HIVEP1: variants seen among roughly 807,000 people sequenced by gnomAD.
HIVEP1 encodes HIVEP zinc finger 1, also known as zinc finger protein 40.
A neutral mutation model predicts 180.0 loss-of-function variants in HIVEP1; 36 were observed. The observed-to-expected ratio is 0.20, with a 90% confidence interval of 0.15 to 0.26. The LOEUF (loss-of-function observed/expected upper bound fraction) is 0.26, where lower values mean the gene tolerates loss of function less well. HIVEP1 is among the 10% of genes least tolerant of loss of function. The pLI is 1.00. For synonymous variants in HIVEP1, 1,239 were observed against 1,239.0 expected, an observed-to-expected ratio of 1.00 and a Z score of 0.00; for missense variants, 3,143 against 3,268.7, an observed-to-expected ratio of 0.96 and a Z score of 0.94.
At chr6:12,155,561 C>T (rs1759987585) in intron 7 of HIVEP1, among the ~76,000 whole-genome samples, 2 of 152,130 alleles carry the variant, frequency 1.3e-5, no homozygotes, top group Admixed American at 1.3e-4. Flanking sequence ...CTTCCAAATC[C>T]ATCTATGTCC....
chr6:12,098,473 A>G (rs1211330757), intron 3 of HIVEP1, among the ~76,000 whole-genome samples: 1 of 152,322 alleles, frequency 6.6e-6, no homozygotes, highest in African/African-American at 2.4e-5. Flanking sequence ...TTCTATATAA[A>G]TAATGCCACA....
chr6:12,122,124 C>A lies in HIVEP1; in HGVS notation c.2329C>A (p.Arg777=), dbSNP rs975872926. The change falls in exon 4 of 9, where the codon CGA becomes AGA. Residue 777 remains arginine (R), a synonymous_variant. Transcript: ENST00000379388. The stretch of plus-strand genomic sequence containing the variant: ...GCCGCGGAGAACCTCACTGTCAAGA[C>A]GAGGAAGCATTGATTCCCCCAAATC... ...VKPRRTSLSR[R]GSIDSPKSYI... 2.5e-6 allele frequency: 4 copies of A among 1,614,066 alleles called. No individual in the cohort carries two copies. The highest frequency in any genetic ancestry group is 3.4e-6 in the Non-Finnish European group (4 of 1,180,028).
intron 3 of HIVEP1, among the ~76,000 whole-genome samples, chr6:12,097,195 T>G (rs1773831356): frequency 6.6e-6 from 1 of 152,058 alleles, no homozygotes; most frequent in South Asian, 2.1e-4. Flanking sequence ...TTAATAGAGG[T>G]TTATTTTAAA....
chr6:12,014,768 A>G (rs1279512401), intron 1 of HIVEP1, among the ~76,000 whole-genome samples: 1 of 152,254 alleles, frequency 6.6e-6, no homozygotes, highest in Non-Finnish European at 1.5e-5. Context: ...AAAATCTGTA[A>G]GTCAGGACAG....
At chr6:12,170,630 A>G in the HIVEP1 span, among the ~76,000 whole-genome samples, 1 of 152,212 alleles carries the variant, frequency 6.6e-6, no homozygotes, top group Non-Finnish European at 1.5e-5. Context: ...GACCAAGGGA[A>G]TAAACCACAT....
intron 2 of HIVEP1, among the ~76,000 whole-genome samples, chr6:12,069,652 G>C (rs957320798): frequency 6.6e-6 from 1 of 151,572 alleles, no homozygotes; most frequent in African/African-American, 2.4e-5. Flanking sequence ...CAGCGCACCA[G>C]CATGGCAAAT....
chr6:12,207,942 A>G, the HIVEP1 span, among the ~76,000 whole-genome samples: 6 of 150,798 alleles, frequency 4.0e-5, no homozygotes, highest in Non-Finnish European at 8.9e-5. Flanking sequence ...TGGATCATGG[A>G]TGTGGAAGAA....
At chr6:12,107,534 A>G (rs1420969710) in intron 3 of HIVEP1, among the ~76,000 whole-genome samples, 5 of 152,030 alleles carry the variant, frequency 3.3e-5, no homozygotes, top group Admixed American at 2.0e-4. Flanking sequence ...CCTCACGGTG[A>G]GTGTTACAGT....
At chr6:12,207,993 C>G in the HIVEP1 span, among the ~76,000 whole-genome samples, 1 of 151,646 alleles carries the variant, frequency 6.6e-6, no homozygotes, top group South Asian at 2.1e-4. Context: ...CTCACTATAC[C>G]AGTTTCAGAA....
upstream of HIVEP1, chr6:12,012,150 C>CGGCTCCCT (rs1300421941): frequency 2.8e-5 from 4 of 144,916 alleles, no homozygotes; most frequent in Non-Finnish European, 6.2e-5. Context: ...CCCGGCTGCC[C>CGGCTCCCT]GGCTCCCTGG....
At chr6:12,203,083 A>G in the HIVEP1 span, among the ~76,000 whole-genome samples, 27 of 152,306 alleles carry the variant, frequency 1.8e-4, no homozygotes, top group South Asian at 5.6e-3. Flanking sequence ...TCATTTCTGC[A>G]TTTTGTGGTT....
chr6:12,145,515 T>TAAAAAAA (rs202193525), intron 7 of HIVEP1, among the ~76,000 whole-genome samples: 1 of 103,744 alleles, frequency 9.6e-6, no homozygotes. Flanking sequence ...ACTTAAAGTA[T>TAAAAAAA]AAAAAAAAAA....
chr6:12,210,625 C>T, the HIVEP1 span, among the ~76,000 whole-genome samples: 1 of 152,248 alleles, frequency 6.6e-6, no homozygotes, highest in South Asian at 2.1e-4. Context: ...CATCATCTCC[C>T]GGCTTGCAGT....
At chr6:12,047,103 C>A (rs1031607728) in intron 2 of HIVEP1, among the ~76,000 whole-genome samples, 25 of 152,076 alleles carry the variant, frequency 1.6e-4, no homozygotes, top group African/African-American at 6.0e-4. Flanking sequence ...TTGTGATCTA[C>A]CAGCCTCAGC....
the HIVEP1 span, among the ~76,000 whole-genome samples, chr6:12,201,160 T>C: frequency 6.6e-6 from 1 of 152,232 alleles, no homozygotes; most frequent in Non-Finnish European, 1.5e-5. Flanking sequence ...TTTCTTTCTC[T>C]AAAATCTTAT....
At chr6:12,142,310 G>A (rs146784883) in intron 7 of HIVEP1, among the ~76,000 whole-genome samples, 318 of 152,292 alleles carry the variant, frequency 2.1e-3, no homozygotes, top group African/African-American at 7.1e-3. Context: ...AATGAAGGCA[G>A]AAATAAAGAT....
intron 3 of HIVEP1, 125 bp from the exon 4 acceptor site, chr6:12,119,765 C>G: frequency 3.2e-6 from 2 of 630,678 alleles, no homozygotes; most frequent in Admixed American, 5.9e-5. Context: ...AAAAAATAGA[C>G]TTTCCTTAAA....
At chr6:12,114,893 A>G (rs1258107599) in intron 3 of HIVEP1, among the ~76,000 whole-genome samples, 2 of 152,178 alleles carry the variant, frequency 1.3e-5, no homozygotes, top group Non-Finnish European at 2.9e-5. Flanking sequence ...TCCTGGTCTG[A>G]TCTCTTGACC....
At chr6:12,078,225 C>T (rs1416765861) in intron 2 of HIVEP1, among the ~76,000 whole-genome samples, 2 of 151,894 alleles carry the variant, frequency 1.3e-5, no homozygotes, top group Non-Finnish European at 2.9e-5. Context: ...AACATAGTCA[C>T]TAATTGACAA....
Sources: allele counts gnomAD v4.1 joint callset (sites outside exome capture counted in the v4.1 genomes callset), GRCh38; gene constraint gnomAD v4.1.1; transcripts MANE v1.5; gene names NCBI Gene and HGNC (gene_info 2026-07-23, HGNC 2026-07-21).